SLC23A2: variants seen among roughly 807,000 people sequenced by gnomAD.
SLC23A2 encodes Na(+)/L-ascorbic acid transporter 2.
Under a neutral mutation model 73.3 loss-of-function variants are expected in SLC23A2, and 36 were observed. That is an observed-to-expected ratio of 0.49 (90% CI 0.38 to 0.65). The LOEUF (loss-of-function observed/expected upper bound fraction) is 0.65, where lower values mean the gene tolerates loss of function less well. Ranked by LOEUF, SLC23A2 falls within the 30% of genes least tolerant of loss-of-function variation. The pLI, the probability that SLC23A2 is intolerant of heterozygous loss-of-function variation, is 0.00. For synonymous variants in SLC23A2, 343 were observed against 327.3 expected, an observed-to-expected ratio of 1.05 and a Z score of -0.52; for missense variants, 507 against 841.6, an observed-to-expected ratio of 0.60 and a Z score of 4.92.
At chr20:4,865,325 G>A (rs1930147686) in intron 13 of SLC23A2, among the ~76,000 whole-genome samples, 1 of 152,146 alleles carries the variant, frequency 6.6e-6, no homozygotes, top group African/African-American at 2.4e-5. Flanking sequence ...TAAACTAAGG[G>A]GTAAATAGCA....
chr20:4,945,162 G>A (rs931637000), intron 2 of SLC23A2, among the ~76,000 whole-genome samples: 7 of 152,128 alleles, frequency 4.6e-5, no homozygotes, highest in Non-Finnish European at 8.8e-5. Context: ...AAGCAGCAAC[G>A]AATGAACTTG....
intron 2 of SLC23A2, among the ~76,000 whole-genome samples, chr20:4,955,390 CACACACA>C (rs2087270048): frequency 7.1e-6 from 1 of 141,620 alleles, no homozygotes. Context: ...CACACACACA[CACACACA>C]CCCTAGAATA....
chr20:4,971,355 G>A (rs1360568932), intron 1 of SLC23A2, among the ~76,000 whole-genome samples: 1 of 151,248 alleles, frequency 6.6e-6, no homozygotes, highest in Non-Finnish European at 1.5e-5. Context: ...GTGTGGTGGT[G>A]CACACCTGTG....
intron 2 of SLC23A2, among the ~76,000 whole-genome samples, chr20:4,942,374 C>CA (rs1216270773): frequency 0.12 from 5,463 of 46,542 alleles, 339 homozygotes; most frequent in South Asian, 0.19. Flanking sequence ...GCTACAGTCT[C>CA]AAAAAAAAAA....
At chr20:4,948,146 C>G (rs2087146061) in intron 2 of SLC23A2, among the ~76,000 whole-genome samples, 1 of 152,202 alleles carries the variant, frequency 6.6e-6, no homozygotes, top group Admixed American at 6.5e-5. Context: ...CTGGGAGAAG[C>G]ATCTCAAGTA....
intron 4 of SLC23A2, among the ~76,000 whole-genome samples, chr20:4,906,273 C>T (rs150043988): frequency 0.015 from 2,301 of 152,198 alleles, 15 homozygotes; most frequent in Middle Eastern, 0.031. Context: ...TGAGAGGTTG[C>T]GGCTGCAGTG....
chr20:4,988,504 G>A (rs1232314207), intron 1 of SLC23A2, among the ~76,000 whole-genome samples: 1 of 152,000 alleles, frequency 6.6e-6, no homozygotes, highest in Non-Finnish European at 1.5e-5. Context: ...TTGGGGGGTT[G>A]AGGCAGGTGG....
chr20:4,942,717 G>A (rs1429964075), intron 2 of SLC23A2, among the ~76,000 whole-genome samples: 1 of 152,224 alleles, frequency 6.6e-6, no homozygotes, highest in Admixed American at 6.5e-5. Flanking sequence ...GGAGAAATGT[G>A]ATGGCACTGT....
At chr20:4,950,636 C>A (rs1016027791) in intron 2 of SLC23A2, among the ~76,000 whole-genome samples, 1 of 152,122 alleles carries the variant, frequency 6.6e-6, no homozygotes, top group Non-Finnish European at 1.5e-5. Flanking sequence ...CCAGGGCCTA[C>A]CAGGAACCTG....
intron 5 of SLC23A2, among the ~76,000 whole-genome samples, chr20:4,901,673 A>T (rs1333685068): frequency 1.3e-5 from 2 of 152,134 alleles, no homozygotes; most frequent in East Asian, 3.9e-4. Flanking sequence ...TGCTGCTACC[A>T]TGGCAAGTTT....
At chr20:4,965,442 G>C (rs986173806) in intron 2 of SLC23A2, among the ~76,000 whole-genome samples, 2 of 152,040 alleles carry the variant, frequency 1.3e-5, no homozygotes, top group African/African-American at 4.8e-5. Context: ...AAAAAGAAAT[G>C]AGACTCATTC....
chr20:4,959,499 T>C (rs2087346083), intron 2 of SLC23A2, among the ~76,000 whole-genome samples: 1 of 152,104 alleles, frequency 6.6e-6, no homozygotes, highest in South Asian at 2.1e-4. Context: ...TATTTTTTAT[T>C]TGTATTTATT....
intron 2 of SLC23A2, among the ~76,000 whole-genome samples, chr20:4,941,891 G>A (rs748689305): frequency 9.2e-5 from 14 of 152,150 alleles, no homozygotes; most frequent in Non-Finnish European, 2.1e-4. Context: ...TTAACCCACT[G>A]TGTATGTGTA....
chr20:4,890,908 C>A (rs1317062096), intron 6 of SLC23A2, among the ~76,000 whole-genome samples: 2 of 152,174 alleles, frequency 1.3e-5, no homozygotes, highest in East Asian at 3.8e-4. Context: ...ATTTTAAAAA[C>A]CTATGTCTAT....
chr20:4,913,165 C>T (rs1309227309), intron 3 of SLC23A2, among the ~76,000 whole-genome samples, 187 bp from the exon 4 acceptor site: 2 of 152,262 alleles, frequency 1.3e-5, no homozygotes, highest in South Asian at 2.1e-4. Flanking sequence ...AAATAAAATC[C>T]CAGGGCAACC....
intron 4 of SLC23A2, among the ~76,000 whole-genome samples, chr20:4,910,831 T>C (rs1350150334): frequency 6.6e-6 from 1 of 152,222 alleles, no homozygotes; most frequent in Non-Finnish European, 1.5e-5. Context: ...GATACTCCAT[T>C]TCATTGGTAT....
chr20:4,968,724 C>CTTT (rs10684173), intron 2 of SLC23A2, among the ~76,000 whole-genome samples: 467 of 147,102 alleles, frequency 3.2e-3, no homozygotes, highest in African/African-American at 8.4e-3. Context: ...GTGTATTTTT[C>CTTT]TTTTTTTTTT....
intron 3 of SLC23A2, among the ~76,000 whole-genome samples, chr20:4,919,199 T>C (rs866679065): frequency 5.3e-5 from 8 of 152,188 alleles, no homozygotes; most frequent in Non-Finnish European, 2.9e-5. Context: ...CAGCAGCCGA[T>C]AGATCTAACA....
chr20:4,937,841 T>A (rs2086983710), intron 2 of SLC23A2, among the ~76,000 whole-genome samples: 1 of 152,090 alleles, frequency 6.6e-6, no homozygotes, highest in African/African-American at 2.4e-5. Flanking sequence ...TCCTTGTGAT[T>A]TTTGAGGGGG....
Sources: allele counts gnomAD v4.1 joint callset (sites outside exome capture counted in the v4.1 genomes callset), GRCh38; gene constraint gnomAD v4.1.1; transcripts MANE v1.5; gene names NCBI Gene and HGNC (gene_info 2026-07-23, HGNC 2026-07-21).